CUL2: variants seen among roughly 807,000 people sequenced by gnomAD.
CUL2 encodes cullin 2, also known as cullin-2.
In CUL2, 22 loss-of-function variants were observed where a neutral mutation model predicts 110.2. The observed-to-expected ratio is 0.20, with a 90% confidence interval of 0.14 to 0.28. The LOEUF is 0.28. Ranked by LOEUF, CUL2 falls within the 10% of genes least tolerant of loss-of-function variation. The probability of loss-of-function intolerance (pLI) is 1.00; values close to 1 mark genes in which losing one functional copy is unlikely to be tolerated. For missense variants in CUL2, 631 were observed against 905.5 expected (o/e 0.70, Z 3.89); for synonymous variants, 279 against 293.2 (o/e 0.95, Z 0.49).
chr10:35,074,734 G>A (rs1348251059), intron 1 of CUL2, among the ~76,000 whole-genome samples: 1 of 152,138 alleles, frequency 6.6e-6, no homozygotes, highest in Non-Finnish European at 1.5e-5. Flanking sequence ...TGATCCGCCC[G>A]CCTTGGCCTC....
At chr10:35,019,022 A>G (rs1336813059) in intron 17 of CUL2, among the ~76,000 whole-genome samples, 1 of 152,224 alleles carries the variant, frequency 6.6e-6, no homozygotes, top group African/African-American at 2.4e-5. Context: ...GCAAAAAATT[A>G]TCATTTGGAG....
At chr10:35,076,477 A>C (rs909374398) in intron 1 of CUL2, among the ~76,000 whole-genome samples, 5 of 152,188 alleles carry the variant, frequency 3.3e-5, no homozygotes, top group Middle Eastern at 3.2e-3. Flanking sequence ...TTTTAGAGCA[A>C]TTTAACGGGG....
At chr10:35,016,926 C>CAAAAAA (rs1427211253) in intron 17 of CUL2, among the ~76,000 whole-genome samples, 1 of 60,970 alleles carries the variant, frequency 1.6e-5, no homozygotes, top group Non-Finnish European at 3.4e-5. Context: ...GACTCTGTCT[C>CAAAAAA]AAAAAAAAAA....
chr10:35,060,470 C>T (rs1320802845), intron 4 of CUL2, among the ~76,000 whole-genome samples: 2 of 152,124 alleles, frequency 1.3e-5, no homozygotes, highest in African/African-American at 2.4e-5. Flanking sequence ...TATCTAACAT[C>T]GTTTGCATCA....
At chr10:35,090,728 C>T (rs984150894), upstream of CUL2, 2 of 152,312 alleles carry the variant, frequency 1.3e-5, no homozygotes, top group African/African-American at 4.8e-5. Context: ...CAAGTGATTC[C>T]TTGCTGGGCT....
intron 11 of CUL2, 98 bp from the exon 12 acceptor site, chr10:35,032,592 GC>G: frequency 1.2e-6 from 1 of 857,200 alleles, no homozygotes; most frequent in Non-Finnish European, 1.8e-6. Context: ...AAATTACCCC[GC>G]CACATAAAAC....
chr10:35,115,686 G>A (rs1215253983), intron 1 of CUL2, among the ~76,000 whole-genome samples: 1 of 152,070 alleles, frequency 6.6e-6, no homozygotes, highest in Non-Finnish European at 1.5e-5. Context: ...TTGAGCCCAC[G>A]AGTTTGAGAC....
intron 10 of CUL2, among the ~76,000 whole-genome samples, chr10:35,034,216 C>T (rs570200018): frequency 6.6e-6 from 1 of 152,310 alleles, no homozygotes; most frequent in African/African-American, 2.4e-5. Flanking sequence ...AAATTCGATG[C>T]TTCTATGCCC....
chr10:35,064,832 C>A (rs568427062), intron 2 of CUL2, among the ~76,000 whole-genome samples: 1 of 152,044 alleles, frequency 6.6e-6, no homozygotes, highest in African/African-American at 2.4e-5. Context: ...TATGAGCCAC[C>A]GCTCAATATA....
chr10:35,096,175 G>A (rs2087296486), intron 2 of CUL2, among the ~76,000 whole-genome samples: 2 of 152,250 alleles, frequency 1.3e-5, no homozygotes, highest in South Asian at 4.2e-4. Flanking sequence ...TTGAACCTCA[G>A]AGGCAGAGGT....
At chr10:35,038,372 A>G (rs968044770) in intron 9 of CUL2, among the ~76,000 whole-genome samples, 9 of 150,930 alleles carry the variant, frequency 6.0e-5, no homozygotes, top group African/African-American at 2.2e-4. Context: ...AAAAGTACAA[A>G]AAAATTAGCC....
At chr10:35,027,676 A>G (rs1406549293) in intron 16 of CUL2, among the ~76,000 whole-genome samples, 3 of 152,218 alleles carry the variant, frequency 2.0e-5, no homozygotes, top group Non-Finnish European at 2.9e-5. Flanking sequence ...TTTACATGAG[A>G]AAACTGTACA....
chr10:35,100,655 G>A (rs947126174), intron 2 of CUL2, among the ~76,000 whole-genome samples: 1 of 150,960 alleles, frequency 6.6e-6, no homozygotes, highest in East Asian at 1.9e-4. Context: ...CCAGCTACTC[G>A]GGAGGCTGAA....
intron 1 of CUL2, among the ~76,000 whole-genome samples, chr10:35,108,568 G>A (rs2087491966): frequency 6.6e-6 from 1 of 152,158 alleles, no homozygotes. Flanking sequence ...CTTTGATATT[G>A]GAATTGAGGT....
At chr10:35,011,375 T>C (rs1021952121) in intron 20 of CUL2, among the ~76,000 whole-genome samples, 3 of 152,024 alleles carry the variant, frequency 2.0e-5, no homozygotes, top group African/African-American at 7.2e-5. Context: ...CCCAGCACTT[T>C]TGGAGGCCGA....
rs191823571 is a variant in CUL2, at chr10:35,126,638, C to T, written c.-84G>A. 993 of 152,478 alleles carry T rather than the reference C, an allele frequency of 6.5e-3. 8 individuals carry two copies. The highest frequency in any genetic ancestry group is 0.02 in the South Asian group (99 of 4,836). The allele number at this position is 152,478 out of a possible 1,614,324, so 9.4% of individuals were successfully genotyped here. ...CCTGAAGACCTGACAACAGCCGTTA[C>T]TCTGGCTGACAAGTCATTGGATTTC... On this transcript the variant is annotated 5_prime_UTR_variant, in exon 1 of 6. Transcript: ENST00000685421.
At chr10:35,118,131 A>T (rs944729394) in intron 1 of CUL2, 5 of 152,200 alleles carry the variant, frequency 3.3e-5, no homozygotes, top group Non-Finnish European at 5.9e-5. Flanking sequence ...GCATGCATCC[A>T]CCATTATAGT....
At chr10:35,042,969 G>A (rs535822202) in intron 8 of CUL2, among the ~76,000 whole-genome samples, 28 of 152,092 alleles carry the variant, frequency 1.8e-4, no homozygotes, top group African/African-American at 6.3e-4. Context: ...TGGTGTTAGA[G>A]TTGAACTGGA....
chr10:35,012,051 T>A (rs2062645915), intron 19 of CUL2, 87 bp from the exon 20 acceptor site: 6 of 674,170 alleles, frequency 8.9e-6, no homozygotes, highest in Non-Finnish European at 1.2e-5. Flanking sequence ...TGAGTGCAAA[T>A]ACTTTTTTTT....
Sources: allele counts gnomAD v4.1 joint callset (sites outside exome capture counted in the v4.1 genomes callset), GRCh38; gene constraint gnomAD v4.1.1; transcripts MANE v1.5; gene names NCBI Gene and HGNC (gene_info 2026-07-23, HGNC 2026-07-21).